ZNF384: variants seen among roughly 807,000 people sequenced by gnomAD.
The protein encoded by ZNF384 is CAG repeat protein 1.
A neutral mutation model predicts 65.0 loss-of-function variants in ZNF384; 20 were observed. That is an observed-to-expected ratio of 0.31 (90% CI 0.22 to 0.45). The LOEUF is 0.45. ZNF384 is among the 20% of genes least tolerant of loss of function. The probability of loss-of-function intolerance (pLI) is 1.00; values close to 1 mark genes in which losing one functional copy is unlikely to be tolerated. For missense variants in ZNF384, 549 were observed against 769.4 expected, an observed-to-expected ratio of 0.71 and a Z score of 3.39; for synonymous variants, 310 against 303.9, an observed-to-expected ratio of 1.02 and a Z score of -0.21.
intron 3 of ZNF384, 97 bp downstream of exon 3, chr12:6,679,358 G>C: frequency 7.6e-7 from 1 of 1,316,876 alleles, no homozygotes; most frequent in South Asian, 1.2e-5. Flanking sequence ...TCAGGGGTGG[G>C]GGACCCAGTA....
intron 9 of ZNF384, among the ~76,000 whole-genome samples, chr12:6,671,193 G>C (rs1270404457): frequency 6.6e-6 from 1 of 152,200 alleles, no homozygotes; most frequent in Non-Finnish European, 1.5e-5. Context: ...AAAAAGAAAA[G>C]CAGAACGCGT....
At chr12:6,677,293 A>C in intron 6 of ZNF384, 34 bp from the exon 7 acceptor site, 4 of 1,296,658 alleles carry the variant, frequency 3.1e-6, no homozygotes, top group Non-Finnish European at 4.0e-6. Flanking sequence ...ATCTGGGTAC[A>C]CTAAGGAACT....
chr12:6,672,553 G>C lies in ZNF384; in HGVS notation c.1005-21C>G. 1 of 1,611,732 alleles carries C rather than the reference G, an allele frequency of 6.2e-7. No homozygotes were observed. Among genetic ancestry groups the C allele is most frequent in the Non-Finnish European group, 8.5e-7 (1 of 1,178,442 alleles). ...GGATCCTGCCGGAGAGGAGAGGAGGGAAGGGGGGAGGAGGAAGCAGTTCGA... is the reference window on the plus strand; with the variant it reads ...GGATCCTGCCGGAGAGGAGAGGAGGCAAGGGGGGAGGAGGAAGCAGTTCGA... On this transcript the variant is annotated intron_variant, in intron 8 of 11. Transcript: ENST00000683879. This position sits in a 1 kb window ranked among gnomAD's most constrained non-coding sequence, Gnocchi z 4.4.
At chr12:6,668,905 G>A (rs921789064) in intron 11 of ZNF384, 126 bp downstream of exon 11, 3 of 995,352 alleles carry the variant, frequency 3.0e-6, no homozygotes, top group East Asian at 2.7e-5. Flanking sequence ...ATATTTACCT[G>A]TTCTGCTAAG....
At position 6,677,167 on chromosome 12, in the gene ZNF384, C is replaced by G. The variant is rs1953967010; in HGVS notation, c.779G>C (p.Gly260Ala). Reference protein sequence around the residue: ...GSTTNLLCDPGCRMCSLTFYS... With the variant: ...GSTTNLLCDPACRMCSLTFYS... ...GCCCAGAGAGGGGAAAAGGACTTGCCCAGGGTCACACAGCAAATTCGTGGT... is the reference window on the plus strand; with the variant it reads ...GCCCAGAGAGGGGAAAAGGACTTGCGCAGGGTCACACAGCAAATTCGTGGT... The change falls in exon 7 of 12, where the codon GGG becomes GCG. Residue 260 changes from glycine to alanine, a missense_variant and splice_region_variant. By Grantham distance (60) the Gly-to-Ala change is moderately conservative. Coordinates refer to ENST00000683879, the MANE Select transcript of ZNF384 (RefSeq NM_001385745.1). 1.0e-6 allele frequency: 1 copy of G among 1,001,814 alleles called. No individual in the cohort carries two copies. Among genetic ancestry groups the G allele is most frequent in the Non-Finnish European group, 1.4e-6 (1 of 719,880 alleles). The allele number at this position is 1,001,814 out of a possible 1,614,324, so 62.1% of individuals were successfully genotyped here. A position where few individuals can be genotyped will look rare whatever the true frequency, so the allele number is the denominator to read the frequency against.
chr12:6,685,776 CAAAAAAA>C (rs778337408), intron 2 of ZNF384, among the ~76,000 whole-genome samples: 1 of 43,232 alleles, frequency 2.3e-5, no homozygotes, highest in Non-Finnish European at 4.7e-5. Context: ...GACTCAGTCT[CAAAAAAA>C]AAAAAAAAAA....
At position 6,673,571 on chromosome 12, in the gene ZNF384, A is replaced by AT; in HGVS notation, c.780-132dup. 5.9e-6 allele frequency: 4 copies of AT among 677,458 alleles called. No homozygotes were observed. Among genetic ancestry groups the AT allele is most frequent in the Middle Eastern group, 3.9e-4 (1 of 2,548 alleles). 42.0% of individuals were successfully genotyped at this position (677,458 alleles called of 1,614,324 possible). ...CTCCAACTTGAGAGTAGAGCTCTAT[A>AT]TATTCATCTTTATGGCCTAAGCTTC... On this transcript the variant is annotated intron_variant, in intron 7 of 11. Coordinates refer to ENST00000683879, the MANE Select transcript of ZNF384 (RefSeq NM_001385745.1). This position sits in a 1 kb window ranked among gnomAD's most constrained non-coding sequence, Gnocchi z 4.7.
intron 10 of ZNF384, among the ~76,000 whole-genome samples, chr12:6,669,575 T>C (rs1371585989): frequency 4.0e-5 from 6 of 151,778 alleles, no homozygotes; most frequent in African/African-American, 9.7e-5. Context: ...TCTCGGCTCA[T>C]TGCAACCTCC....
chr12:6,685,292 C>T (rs1355171508), intron 2 of ZNF384, among the ~76,000 whole-genome samples: 1 of 150,220 alleles, frequency 6.7e-6, no homozygotes, highest in African/African-American at 2.5e-5. Context: ...CACTGCACTC[C>T]AGTCTGGCCA....
At position 6,672,288 on chromosome 12, in the gene ZNF384, G is replaced by A. The variant is rs912928703; in HGVS notation, c.1187+62C>T. On this transcript the variant is annotated intron_variant, in intron 9 of 11. Transcript: ENST00000683879. The surrounding 1 kb of genome is among the most constrained non-coding windows in gnomAD (Gnocchi z 4.4). ...CGCATGCGGGTTGTTGTGTGTGTCC[G>A]GGGCGGGGGTGGGGAGGGCATGCCA... The A allele has an allele frequency of 2.1e-5, 32 of 1,526,712 alleles. 1 individual carries two copies. In the South Asian group the frequency reaches 2.2e-4, roughly 11 times the overall value. 94.6% of individuals were successfully genotyped at this position (1,526,712 alleles called of 1,614,324 possible).
chr12:6,681,145 G>A (rs564015318), intron 2 of ZNF384, among the ~76,000 whole-genome samples: 3 of 151,992 alleles, frequency 2.0e-5, no homozygotes, highest in African/African-American at 7.2e-5. Flanking sequence ...CTTGAACCCA[G>A]GAGGCGGAGG....
chr12:6,683,729 A>G (rs1266920776), intron 2 of ZNF384, among the ~76,000 whole-genome samples: 2 of 151,588 alleles, frequency 1.3e-5, no homozygotes, highest in Non-Finnish European at 2.9e-5. Flanking sequence ...AAAACGTAGG[A>G]AGGAGGAGGC....
chr12:6,679,526 C>T lies in ZNF384; in HGVS notation c.-5-1G>A, dbSNP rs1391250389. 1 of 1,612,186 alleles carries T rather than the reference C, an allele frequency of 6.2e-7. No homozygotes were observed. The highest frequency in any genetic ancestry group is 1.1e-5 in the South Asian group (1 of 90,986). On this transcript the variant is annotated splice_acceptor_variant, in intron 2 of 11. Coordinates refer to ENST00000683879, the MANE Select transcript of ZNF384 (RefSeq NM_001385745.1). LOFTEE classifies it low-confidence loss of function (5UTR_SPLICE). ...TTGAAGTGAGATTCTTCCATTCTAC[C>T]TGAAGAAAAAATGAGAGAACATGTC...
At chr12:6,683,344 T>C (rs1214556636) in intron 2 of ZNF384, among the ~76,000 whole-genome samples, 1 of 144,716 alleles carries the variant, frequency 6.9e-6, no homozygotes, top group Admixed American at 6.9e-5. Flanking sequence ...GGAGGGAGAA[T>C]AAACGAAAGA....
intron 2 of ZNF384, 74 bp from the exon 3 acceptor site, chr12:6,679,599 T>G: frequency 1.7e-6 from 2 of 1,202,500 alleles, no homozygotes; most frequent in Non-Finnish European, 2.4e-6. Flanking sequence ...GAAGGGGAAC[T>G]GAAGAGTTCC....
At chr12:6,685,611 A>G (rs903371324) in intron 2 of ZNF384, among the ~76,000 whole-genome samples, 1 of 151,852 alleles carries the variant, frequency 6.6e-6, no homozygotes, top group Non-Finnish European at 1.5e-5. Flanking sequence ...CATCTCTACT[A>G]AAATACAAAA....
At chr12:6,679,885 A>T (rs1275683526) in intron 2 of ZNF384, among the ~76,000 whole-genome samples, 1 of 152,230 alleles carries the variant, frequency 6.6e-6, no homozygotes, top group Admixed American at 6.5e-5. Context: ...ACAAAAAACA[A>T]ATCACTGACT....
At chr12:6,671,959 G>A (rs910876760) in intron 9 of ZNF384, 2 of 167,934 alleles carry the variant, frequency 1.2e-5, no homozygotes, top group Non-Finnish European at 2.6e-5. Context: ...CATAATTGGT[G>A]CCCTAAGGGC....
Position 6,679,120 on chromosome 12 carries a change from G to C in ZNF384, c.130C>G (p.Leu44Val). 1 of 1,611,704 alleles carries C rather than the reference G, an allele frequency of 6.2e-7. No homozygotes were observed. The change falls in exon 4 of 12, where the codon CTG (leucine) becomes GTG (valine). Residue 44 changes from leucine (L) to valine (V), a missense_variant. By Grantham distance (32) the Leu-to-Val change is conservative. Around this residue, in one of 5 missense-constraint regions of ZNF384, gnomAD observed 277 missense variants for 337.2 expected, o/e 0.82. Transcript: ENST00000683879. ...AAGGTGGGGTAGTGAGGTGGGGCCA[G>C]ACCACAGCCCTTCTCTGGCAACAGC... ...DQLLPEKGCG[L>V]APPHYPTLLT...
Sources: gnomAD v4.1 joint callset for allele counts (sites outside exome capture counted in the v4.1 genomes callset) on GRCh38, gnomAD v4.1.1 for gene constraint, gnomAD v4.1.1 regional missense constraint, Gnocchi (gnomAD v3.1) non-coding constraint, MANE v1.5 for transcripts, NCBI Gene and HGNC (gene_info 2026-07-23, HGNC 2026-07-21) for gene names.